RTN4: variants seen among roughly 807,000 people sequenced by gnomAD.
The protein encoded by RTN4 is reticulon-4.
RTN4 carries 32 observed loss-of-function variants against 90.4 expected under a neutral mutation model. The ratio of observed to expected loss-of-function variants is 0.35; its 90% CI spans 0.27 to 0.48. The LOEUF is 0.48. Ranked by LOEUF, RTN4 falls within the 20% of genes least tolerant of loss-of-function variation. The pLI is 0.99. For synonymous variants in RTN4, 629 were observed against 552.5 expected, an observed-to-expected ratio of 1.14 and a Z score of -1.94; for missense variants, 1,706 against 1,430.2, an observed-to-expected ratio of 1.19 and a Z score of -3.11.
chr2:55,025,559 A>G lies in RTN4; in HGVS notation c.2540T>C (p.Ile847Thr), dbSNP rs780240888. 5.6e-6 allele frequency: 9 copies of G among 1,613,608 alleles called. No homozygotes were observed. In the South Asian group the frequency reaches 9.9e-5, roughly 18 times the overall value. Residue 847 changes from isoleucine to threonine, a missense_variant, in exon 3 of 9, where the codon ATT becomes ACT. Transcript: ENST00000337526. The stretch of plus-strand genomic sequence containing the variant: ...TTCTCTTATCTGTGCTTCCTTAGAA[A>G]TAAATAAGTCATCATTTGAATAAAC... The part of the protein sequence containing the change: ...TAVYSNDDLF[I>T]SKEAQIRETE...
At chr2:55,084,894 C>T (rs1252943825) in intron 1 of RTN4, among the ~76,000 whole-genome samples, 9 of 152,150 alleles carry the variant, frequency 5.9e-5, no homozygotes, top group Non-Finnish European at 1.5e-5. Context: ...AAGTGATCCC[C>T]CCTGACACTC....
intron 3 of RTN4, among the ~76,000 whole-genome samples, chr2:54,999,775 T>C (rs570539326): frequency 3.3e-5 from 5 of 152,254 alleles, no homozygotes; most frequent in Non-Finnish European, 7.4e-5. Context: ...GAATTCAGAA[T>C]TGAACATTTA....
At chr2:55,126,561 C>CT in the RTN4 span, among the ~76,000 whole-genome samples, 1 of 152,144 alleles carries the variant, frequency 6.6e-6, no homozygotes, top group East Asian at 1.9e-4. Flanking sequence ...AAAGGGAACA[C>CT]TTATACGCTG....
chr2:55,066,195 G>GTT (rs922159892), intron 2 of RTN4, among the ~76,000 whole-genome samples: 3 of 62,482 alleles, frequency 4.8e-5, no homozygotes, highest in East Asian at 8.6e-4. Flanking sequence ...GTGTGTGTTT[G>GTT]TGTGTGTGTG....
chr2:55,102,678 T>C (rs962448519), intron 1 of RTN4, among the ~76,000 whole-genome samples: 5 of 152,116 alleles, frequency 3.3e-5, no homozygotes, highest in African/African-American at 1.2e-4. Flanking sequence ...TGCTTCTCTT[T>C]GGTCCTGGTA....
intron 3 of RTN4, among the ~76,000 whole-genome samples, chr2:55,024,237 C>T (rs752785938): frequency 2.0e-5 from 3 of 152,088 alleles, no homozygotes; most frequent in Non-Finnish European, 4.4e-5. Flanking sequence ...TGTCCCTATC[C>T]GTCAAACACC....
chr2:55,085,975 C>G (rs1668829893), intron 1 of RTN4, among the ~76,000 whole-genome samples: 1 of 152,196 alleles, frequency 6.6e-6, no homozygotes, highest in African/African-American at 2.4e-5. Flanking sequence ...AGAGAATACT[C>G]TGACACATCA....
intron 3 of RTN4, among the ~76,000 whole-genome samples, chr2:54,988,274 A>C (rs1678731149): frequency 6.6e-6 from 1 of 152,154 alleles, no homozygotes; most frequent in Non-Finnish European, 1.5e-5. Flanking sequence ...CCGAGACTGC[A>C]CCTCTGCACT....
At chr2:55,070,748 T>TTTGTTGTTG (rs71410417) in intron 2 of RTN4, among the ~76,000 whole-genome samples, 46,529 of 149,254 alleles carry the variant, frequency 0.31, 8,211 homozygotes, top group Admixed American at 0.41. Flanking sequence ...TGTTTTGATT[T>TTTGTTGTTG]TTGTTGTTGT....
At chr2:55,022,207 A>T (rs1335109739) in intron 3 of RTN4, among the ~76,000 whole-genome samples, 6 of 152,128 alleles carry the variant, frequency 3.9e-5, no homozygotes, top group Non-Finnish European at 8.8e-5. Context: ...ACTAGCGGGG[A>T]GGGGAGACTT....
chr2:54,990,921 G>GACT (rs1194800159), intron 3 of RTN4, among the ~76,000 whole-genome samples: 2 of 151,960 alleles, frequency 1.3e-5, no homozygotes, highest in Non-Finnish European at 2.9e-5. Context: ...GAGTAGCTGG[G>GACT]GCAGGCGCCC....
chr2:55,100,638 C>T (rs887292876), intron 1 of RTN4, among the ~76,000 whole-genome samples: 3 of 152,068 alleles, frequency 2.0e-5, no homozygotes, highest in Non-Finnish European at 2.9e-5. Context: ...CTAACAAGAA[C>T]AGTCTCTAAA....
rs1190631255 is a variant in RTN4, at chr2:55,025,607, T to C, written c.2492A>G (p.Gln831Arg). The stretch of plus-strand genomic sequence containing the variant: ...AACTGCAGTACTGAGCTCCTCCATC[T>C]GCAAAGGAATTTTCTCCTTTTTGCT... ...TLSKKEKIPL[Q>R]MEELSTAVYS... The change falls in exon 3 of 9, where the codon CAG becomes CGG. Residue 831 changes from glutamine (Q) to arginine (R), a missense_variant. Transcript: ENST00000337526. 1.2e-6 allele frequency: 2 copies of C among 1,613,454 alleles called. No individual in the cohort carries two copies. The highest frequency in any genetic ancestry group is 2.2e-5 in the East Asian group (1 of 44,876).
chr2:55,053,942 A>G (rs531003379), upstream of RTN4, among the ~76,000 whole-genome samples: 1 of 152,292 alleles, frequency 6.6e-6, no homozygotes, highest in South Asian at 2.1e-4. Flanking sequence ...AGAGTTTGGA[A>G]TGATAGTGGA....
At chr2:55,083,954 T>C (rs1016363618) in intron 1 of RTN4, among the ~76,000 whole-genome samples, 1 of 152,196 alleles carries the variant, frequency 6.6e-6, no homozygotes, top group African/African-American at 2.4e-5. Flanking sequence ...TTGGAGTTTC[T>C]TGGGTTAAAG....
intron 3 of RTN4, 56 bp from the exon 4 acceptor site, chr2:54,987,754 G>T: frequency 6.9e-7 from 1 of 1,446,130 alleles, no homozygotes; most frequent in Non-Finnish European, 9.5e-7. Flanking sequence ...ATTTGGATTT[G>T]CTCCATCTAT....
chr2:55,115,255 C>T (rs1668103417), upstream of RTN4, among the ~76,000 whole-genome samples: 4 of 152,204 alleles, frequency 2.6e-5, no homozygotes, highest in Admixed American at 2.6e-4. Flanking sequence ...TTTCTACAAG[C>T]ACTAGAGGAC....
At chr2:54,998,236 T>G (rs1679594518) in intron 3 of RTN4, among the ~76,000 whole-genome samples, 1 of 138,520 alleles carries the variant, frequency 7.2e-6, no homozygotes, top group Non-Finnish European at 1.6e-5. Context: ...GGGCTTTTTT[T>G]GGGAGGGGGG....
intron 1 of RTN4, among the ~76,000 whole-genome samples, chr2:55,037,062 T>C (rs138262855): frequency 6.6e-6 from 1 of 152,192 alleles, no homozygotes; most frequent in Non-Finnish European, 1.5e-5. Flanking sequence ...GCAAAGACAG[T>C]ACACAAAACT....
Sources: gnomAD v4.1 joint callset for allele counts (sites outside exome capture counted in the v4.1 genomes callset) on GRCh38, gnomAD v4.1.1 for gene constraint, MANE v1.5 for transcripts, NCBI Gene and HGNC (gene_info 2026-07-23, HGNC 2026-07-21) for gene names.